ALKAL1: variants seen among roughly 807,000 people sequenced by gnomAD.
ALKAL1 encodes the protein ALK and LTK ligand 1.
ALKAL1 carries 23 observed loss-of-function variants against 13.5 expected under a neutral mutation model. The observed-to-expected ratio is 1.70, with a 90% confidence interval of 1.23 to 2.41. The LOEUF (loss-of-function observed/expected upper bound fraction) is 2.41. ALKAL1 is among the 30% of genes most tolerant of loss of function. ALKAL1 has a pLI of 0.00. For synonymous variants in ALKAL1, 85 were observed against 77.7 expected (o/e 1.09, Z -0.49); for missense variants, 181 against 178.4 (o/e 1.01, Z -0.08).
At chr8:52,554,084 C>T (rs1847456333) in intron 1 of ALKAL1, among the ~76,000 whole-genome samples, 1 of 152,048 alleles carries the variant, frequency 6.6e-6, no homozygotes, top group South Asian at 2.1e-4. Flanking sequence ...ATTAGCTGGG[C>T]ATGGTGGCGC....
At chr8:52,535,570 A>T (rs1847258147) in intron 4 of ALKAL1, among the ~76,000 whole-genome samples, 1 of 150,402 alleles carries the variant, frequency 6.6e-6, no homozygotes, top group South Asian at 2.1e-4. Flanking sequence ...AAAAAAAAAA[A>T]AAAGGAAAGA....
chr8:52,545,395 C>T (rs1847359292), intron 1 of ALKAL1, among the ~76,000 whole-genome samples: 1 of 152,108 alleles, frequency 6.6e-6, no homozygotes, highest in Non-Finnish European at 1.5e-5. Context: ...AATGCAGATT[C>T]ACTGAGCCAC....
chr8:52,542,961 C>A (rs12679089), intron 1 of ALKAL1, among the ~76,000 whole-genome samples: 29,541 of 152,168 alleles, frequency 0.19, 3,800 homozygotes, highest in East Asian at 0.65. Context: ...TTGGCAGTGG[C>A]CTCCTAACCC....
intron 1 of ALKAL1, among the ~76,000 whole-genome samples, chr8:52,555,605 A>G (rs758206925): frequency 2.0e-5 from 3 of 152,122 alleles, no homozygotes; most frequent in African/African-American, 7.2e-5. Flanking sequence ...CACCTCCTCT[A>G]CTGGGCTTTC....
At position 52,539,921 on chromosome 8, in the gene ALKAL1, A is replaced by G; in HGVS notation, c.245-10T>C. On this transcript the variant is annotated splice_polypyrimidine_tract_variant and intron_variant, in intron 2 of 4. Transcript: ENST00000358543. Reference sequence around the variant, plus strand: ...GAAAATGTGACCGGCCCTAGAGCACAGGAAAAGAATGCTTATTATAAACAT... The same window carrying G: ...GAAAATGTGACCGGCCCTAGAGCACGGGAAAAGAATGCTTATTATAAACAT... 1 of 1,603,978 alleles carries G rather than the reference A, an allele frequency of 6.2e-7. No individual in the cohort carries two copies. The highest frequency in any genetic ancestry group is 8.5e-7 in the Non-Finnish European group (1 of 1,176,626).
At chr8:52,535,163 T>A (rs1402100518) in intron 4 of ALKAL1, among the ~76,000 whole-genome samples, 1 of 147,572 alleles carries the variant, frequency 6.8e-6, no homozygotes, top group African/African-American at 2.6e-5. Flanking sequence ...TTACATGGAA[T>A]ATATTAAAAA....
chr8:52,553,379 A>G (rs991979096), intron 1 of ALKAL1, among the ~76,000 whole-genome samples: 1 of 152,164 alleles, frequency 6.6e-6, no homozygotes, highest in Non-Finnish European at 1.5e-5. Context: ...AGCATCTGTA[A>G]CATTTCACTG....
intron 3 of ALKAL1, 34 bp from the exon 4 acceptor site, chr8:52,538,541 G>C: frequency 7.3e-7 from 1 of 1,376,322 alleles, no homozygotes; most frequent in Non-Finnish European, 1.0e-6. Flanking sequence ...ATTATATATA[G>C]AGTTACTAGA....
At chr8:52,554,052 C>T (rs1040737806) in intron 1 of ALKAL1, among the ~76,000 whole-genome samples, 12 of 152,034 alleles carry the variant, frequency 7.9e-5, no homozygotes, top group Non-Finnish European at 1.6e-4. Flanking sequence ...GGAGAAACCC[C>T]GTCTCTACTA....
chr8:52,541,853 C>T (rs1338610375), intron 2 of ALKAL1, among the ~76,000 whole-genome samples: 2 of 152,164 alleles, frequency 1.3e-5, no homozygotes, highest in African/African-American at 4.8e-5. Context: ...TGCCCCCTCC[C>T]TCCCTACCCC....
chr8:52,538,192 T>C (rs1847280435), intron 4 of ALKAL1, among the ~76,000 whole-genome samples: 1 of 151,858 alleles, frequency 6.6e-6, no homozygotes, highest in South Asian at 2.1e-4. Flanking sequence ...TCTGCAGCAC[T>C]GTAGGGTGAA....
At chr8:52,549,050 A>C (rs1198238844) in intron 1 of ALKAL1, among the ~76,000 whole-genome samples, 1 of 152,214 alleles carries the variant, frequency 6.6e-6, no homozygotes, top group Non-Finnish European at 1.5e-5. Context: ...ACTATCTTCC[A>C]TAAAGATAAT....
intron 4 of ALKAL1, among the ~76,000 whole-genome samples, chr8:52,535,691 T>C (rs1039802987): frequency 2.0e-5 from 3 of 152,154 alleles, no homozygotes; most frequent in African/African-American, 7.2e-5. Flanking sequence ...AAAAATTGTT[T>C]TCAATTTAGC....
intron 1 of ALKAL1, among the ~76,000 whole-genome samples, chr8:52,561,926 C>G (rs1847554972): frequency 6.6e-6 from 1 of 152,088 alleles, no homozygotes; most frequent in African/African-American, 2.4e-5. Flanking sequence ...CTAACAGTAC[C>G]CTTACACTGC....
chr8:52,545,909 T>G (rs761504254), intron 1 of ALKAL1, among the ~76,000 whole-genome samples: 4 of 152,330 alleles, frequency 2.6e-5, no homozygotes, highest in Middle Eastern at 3.4e-3. Context: ...GGGAGCATCA[T>G]AGAGTGCATT....
chr8:52,557,400 T>C (rs965736619), intron 1 of ALKAL1, among the ~76,000 whole-genome samples: 2 of 152,228 alleles, frequency 1.3e-5, no homozygotes, highest in African/African-American at 2.4e-5. Context: ...ACAGCAAGCC[T>C]GGAACCAGTG....
intron 1 of ALKAL1, among the ~76,000 whole-genome samples, chr8:52,555,596 A>G (rs2150347165): frequency 6.6e-6 from 1 of 152,102 alleles, no homozygotes; most frequent in Non-Finnish European, 1.5e-5. Flanking sequence ...CACCTTCACC[A>G]CCTCCTCTAC....
At chr8:52,542,972 C>T (rs140061674) in intron 1 of ALKAL1, among the ~76,000 whole-genome samples, 49 of 152,348 alleles carry the variant, frequency 3.2e-4, no homozygotes, top group African/African-American at 1.1e-3. Context: ...CTCCTAACCC[C>T]TCTTCTCCTC....
Position 52,534,344 on chromosome 8 carries a change from TCA to T in ALKAL1, c.*267_*268del, listed in dbSNP as rs1847247483. ...TATATCTAGTAAAAATAAAATACAA[TCA>T]CACAATTTTTAATATCTAATTTTCA... On this transcript the variant is annotated 3_prime_UTR_variant, in exon 5 of 5. Transcript: ENST00000358543. The T allele has an allele frequency of 6.4e-6, 2 of 312,976 alleles. No individual in the cohort carries two copies. The highest frequency in any genetic ancestry group is 5.0e-5 in the East Asian group (1 of 19,992). The allele number at this position is 312,976 out of a possible 1,614,324, so 19.4% of individuals were successfully genotyped here.
Sources: allele counts gnomAD v4.1 joint callset (sites outside exome capture counted in the v4.1 genomes callset), GRCh38; gene constraint gnomAD v4.1.1; transcripts MANE v1.5; gene names NCBI Gene and HGNC (gene_info 2026-07-23, HGNC 2026-07-21).